Variants in DGKD observed in about 807,000 individuals in gnomAD.
DGKD encodes the protein diacylglycerol kinase delta, also known as DAG kinase delta.
Under a neutral mutation model 154.4 loss-of-function variants are expected in DGKD, and 68 were observed. The ratio of observed to expected loss-of-function variants is 0.44; its 90% CI spans 0.36 to 0.54. DGKD has a LOEUF of 0.54. Ranked by LOEUF, DGKD falls within the 20% of genes least tolerant of loss-of-function variation. The pLI is 0.00. For synonymous variants in DGKD, 693 were observed against 638.0 expected, an observed-to-expected ratio of 1.09 and a Z score of -1.30; for missense variants, 1,343 against 1,593.6, an observed-to-expected ratio of 0.84 and a Z score of 2.68.
At chr2:233,368,451 G>T (rs1289349532) in intron 1 of DGKD, among the ~76,000 whole-genome samples, 1 of 152,144 alleles carries the variant, frequency 6.6e-6, no homozygotes, top group East Asian at 1.9e-4. Flanking sequence ...GGAGGAGGTT[G>T]CAGTGAGCCA....
intron 3 of DGKD, chr2:233,429,135 T>A: frequency 1.0e-6 from 1 of 985,336 alleles, no homozygotes; most frequent in Non-Finnish European, 1.2e-6. Context: ...GGCCCAAAGA[T>A]CCATCTTCTC....
rs201510409 is a variant in DGKD at position 233,446,838 on chromosome 2, G to C, written c.1419+42G>C. Reference sequence around the variant, plus strand: ...CTTCACACCCTGCTCGCATGCTGATGTGATCAGAACTGTCCTGTCAGCGGT... The same window carrying C: ...CTTCACACCCTGCTCGCATGCTGATCTGATCAGAACTGTCCTGTCAGCGGT... On this transcript the variant is annotated intron_variant, in intron 12 of 29. Coordinates refer to ENST00000264057, the MANE Select transcript of DGKD (RefSeq NM_152879.3). The C allele has an allele frequency of 1.7e-5, 28 of 1,609,562 alleles. No homozygotes were observed. In the East Asian group the frequency reaches 5.8e-4, roughly 33 times the overall value.
intron 1 of DGKD, chr2:233,388,023 A>G (rs1427720448): frequency 2.3e-6 from 2 of 865,154 alleles, no homozygotes; most frequent in Admixed American, 3.6e-5. Flanking sequence ...GGGCCTCTTG[A>G]CACCCCCACC....
chr2:233,417,272 AT>A, intron 3 of DGKD, among the ~76,000 whole-genome samples: 1 of 152,176 alleles, frequency 6.6e-6, no homozygotes, highest in East Asian at 1.9e-4. Flanking sequence ...ATCTCAGGTG[AT>A]TTGCCCACCT....
intron 3 of DGKD, among the ~76,000 whole-genome samples, chr2:233,421,787 C>T (rs1173480452): frequency 6.6e-6 from 1 of 152,246 alleles, no homozygotes; most frequent in Non-Finnish European, 1.5e-5. Flanking sequence ...GTGTAATTCA[C>T]TTCTTTAATA....
Position 233,462,387 on chromosome 2 carries a change from G to T in DGKD, c.3021G>T (p.Gln1007His). 6.2e-7 allele frequency: 1 copy of T among 1,604,320 alleles called. No homozygotes were observed. The change falls in exon 25 of 30, where the codon CAG (glutamine) becomes CAT (histidine). Residue 1007 changes from glutamine to histidine, a missense_variant. Gln to His is a conservative substitution (Grantham distance 24). Around this residue, in one of 6 missense-constraint regions of DGKD, gnomAD observed 429 missense variants for 496.3 expected, o/e 0.86. Transcript: ENST00000264057. ...CTCAGTCTCACCGGGACATGGAGCA[G>T]GAACTGGCCCACGCCGTCAATGCCA... Reference protein sequence around the residue: ...EIAQSHRDMEQELAHAVNASS... With the variant: ...EIAQSHRDMEHELAHAVNASS...
rs955276967 is a variant in DGKD, at chr2:233,469,653, G to A, written c.*193G>A. On this transcript the variant is annotated 3_prime_UTR_variant, in exon 30 of 30. Coordinates refer to ENST00000264057, the MANE Select transcript of DGKD (RefSeq NM_152879.3). Reference sequence around the variant, plus strand: ...TGACACCGTCCACCAGAGCTCTGGGGTCTCGAACATAACAACACAGCTACC... The same window carrying A: ...TGACACCGTCCACCAGAGCTCTGGGATCTCGAACATAACAACACAGCTACC... 1 of 591,854 alleles carries A rather than the reference G, an allele frequency of 1.7e-6. No individual in the cohort carries two copies. Among genetic ancestry groups the A allele is most frequent in the African/African-American group, 1.9e-5 (1 of 53,682 alleles). 36.7% of individuals were successfully genotyped at this position (591,854 alleles called of 1,614,324 possible).
At chr2:233,403,271 G>GA (rs1338688286) in intron 3 of DGKD, among the ~76,000 whole-genome samples, 2 of 152,158 alleles carry the variant, frequency 1.3e-5, no homozygotes, top group Non-Finnish European at 2.9e-5. Context: ...AAAATAGGGA[G>GA]AAAATGGGCT....
At chr2:233,366,609 A>G (rs1702040096) in intron 1 of DGKD, among the ~76,000 whole-genome samples, 1 of 152,206 alleles carries the variant, frequency 6.6e-6, no homozygotes. Context: ...AATGAACGAC[A>G]TAGATTCAGC....
chr2:233,419,176 A>G (rs1041269469), intron 3 of DGKD: 1 of 974,284 alleles, frequency 1.0e-6, no homozygotes, highest in African/African-American at 1.8e-5. Context: ...GCTGCAGCCC[A>G]GGAGCTATAT....
At chr2:233,422,642 G>A (rs561744398) in intron 3 of DGKD, among the ~76,000 whole-genome samples, 21 of 152,272 alleles carry the variant, frequency 1.4e-4, no homozygotes, top group African/African-American at 4.8e-4. Flanking sequence ...TTTAACTTGC[G>A]CTGCCCACAT....
At position 233,354,544 on chromosome 2, in the gene DGKD, C is replaced by T. The variant is rs1018306717; in HGVS notation, c.26C>T (p.Pro9Leu). ...ATGGCGGCGGCGGCGGGCGCCCCTC[C>T]GCCGGGTCCCCCGCAACCGCCTCCG... MAAAAGAP[P>L]PGPPQPPPPP... Residue 9 changes from proline (P) to leucine (L), a missense_variant, in exon 1 of 30, where the codon CCG (proline) becomes CTG (leucine). Pro to Leu is a moderately conservative substitution (Grantham distance 98, BLOSUM62 -3). Transcript: ENST00000264057. This position sits in a 1 kb window ranked among gnomAD's most constrained non-coding sequence, Gnocchi z 4.8. 20 of 1,005,536 alleles carry T rather than the reference C, an allele frequency of 2.0e-5. No individual in the cohort carries two copies. Among genetic ancestry groups the T allele is most frequent in the East Asian group, 2.2e-4 (2 of 9,186 alleles). The allele number at this position is 1,005,536 out of a possible 1,614,324, so 62.3% of individuals were successfully genotyped here. A position where few individuals can be genotyped will look rare whatever the true frequency, so the allele number is the denominator to read the frequency against.
chr2:233,393,906 T>C (rs1703816824), intron 3 of DGKD, among the ~76,000 whole-genome samples: 1 of 151,892 alleles, frequency 6.6e-6, no homozygotes, highest in Admixed American at 6.6e-5. Context: ...GGTCTCGAAC[T>C]CCTGACCTCA....
chr2:233,365,355 A>G (rs1701972753), intron 1 of DGKD, among the ~76,000 whole-genome samples: 1 of 151,874 alleles, frequency 6.6e-6, no homozygotes. Context: ...CTCAGCCTCC[A>G]GAGTAGCTGC....
chr2:233,360,441 A>C (rs1253090331), intron 1 of DGKD, among the ~76,000 whole-genome samples: 1 of 151,902 alleles, frequency 6.6e-6, no homozygotes, highest in Non-Finnish European at 1.5e-5. Context: ...TTTTATGGAG[A>C]CGAGGGTCTC....
At chr2:233,391,105 C>G (rs1267671100) in intron 3 of DGKD, among the ~76,000 whole-genome samples, 2 of 152,068 alleles carry the variant, frequency 1.3e-5, no homozygotes, top group African/African-American at 4.8e-5. Context: ...AAAATGCAGA[C>G]AAGTATGTTA....
intron 3 of DGKD, among the ~76,000 whole-genome samples, chr2:233,427,314 G>A (rs1002623116): frequency 7.0e-6 from 1 of 142,050 alleles, no homozygotes; most frequent in Non-Finnish European, 1.5e-5. Context: ...CATTTGTCCT[G>A]TTGAGTTCAG....
At position 233,459,621 on chromosome 2, in the gene DGKD, C is replaced by T; in HGVS notation, c.2695-136C>T. The T allele has an allele frequency of 8.3e-7, 1 of 1,210,586 alleles. No homozygotes were observed. Among genetic ancestry groups the T allele is most frequent in the Non-Finnish European group, 1.1e-6 (1 of 877,674 alleles). 75.0% of individuals were successfully genotyped at this position (1,210,586 alleles called of 1,614,324 possible). Reference sequence around the variant, plus strand: ...AGGCTAGCTGCAGGCGGAGCGCCATCCCAGAGGCAGAGGTGGGGTGTCCTG... The same window carrying T: ...AGGCTAGCTGCAGGCGGAGCGCCATTCCAGAGGCAGAGGTGGGGTGTCCTG... On this transcript the variant is annotated intron_variant, in intron 22 of 29. Coordinates refer to ENST00000264057, the MANE Select transcript of DGKD (RefSeq NM_152879.3). This position sits in a 1 kb window ranked among gnomAD's most constrained non-coding sequence, Gnocchi z 5.7.
At chr2:233,410,663 G>GTGTT (rs1416931101) in intron 3 of DGKD, among the ~76,000 whole-genome samples, 1 of 152,196 alleles carries the variant, frequency 6.6e-6, no homozygotes, top group Non-Finnish European at 1.5e-5. Context: ...AAGGTTCATA[G>GTGTT]TGTTCTTTAA....
Sources: allele counts gnomAD v4.1 joint callset (sites outside exome capture counted in the v4.1 genomes callset), GRCh38; gene constraint gnomAD v4.1.1; regional missense constraint gnomAD v4.1.1; non-coding constraint Gnocchi (gnomAD v3.1); transcripts MANE v1.5; gene names NCBI Gene and HGNC (gene_info 2026-07-23, HGNC 2026-07-21).